CORO7: variants seen among roughly 807,000 people sequenced by gnomAD.
The protein encoded by CORO7 is coronin-7.
In CORO7, 107 loss-of-function variants were observed where a neutral mutation model predicts 126.6. The observed-to-expected ratio is 0.85, with a 90% confidence interval of 0.72 to 0.99. The LOEUF is 0.99. Ranked by LOEUF, CORO7 falls within the 50% of genes least tolerant of loss-of-function variation. CORO7 has a pLI of 0.00. For missense variants in CORO7, 1,314 were observed against 1,255.8 expected, an observed-to-expected ratio of 1.05 and a Z score of -0.70; for synonymous variants, 603 against 536.8, an observed-to-expected ratio of 1.12 and a Z score of -1.70.
At chr16:4,412,479 C>T (rs772436714) in intron 2 of CORO7, 49 bp from the exon 3 acceptor site, 36 of 1,598,812 alleles carry the variant, frequency 2.3e-5, no homozygotes, top group Non-Finnish European at 2.2e-5. Flanking sequence ...CAGGGCCACC[C>T]ACCTCCTTGC....
chr16:4,381,109 C>T (rs1320051366), intron 9 of CORO7: 4 of 1,609,130 alleles, frequency 2.5e-6, no homozygotes, highest in Non-Finnish European at 3.4e-6. Flanking sequence ...CCTGCCGGGC[C>T]TGCAGCTCCT....
chr16:4,413,176 A>G, intron 2 of CORO7, 132 bp downstream of exon 2: 1 of 897,228 alleles, frequency 1.1e-6, no homozygotes, highest in Non-Finnish European at 1.7e-6. Flanking sequence ...CATGGGGCTC[A>G]CCTCTGAGCC....
rs1013295369 is a variant in CORO7 at position 4,362,196 on chromosome 16, G to A, written c.1403-36C>T. On this transcript the variant is annotated intron_variant, in intron 15 of 27. Coordinates refer to ENST00000251166, the MANE Select transcript of CORO7 (RefSeq NM_024535.5). The surrounding 1 kb of genome is among the most constrained non-coding windows in gnomAD (Gnocchi z 5.3). The stretch of plus-strand genomic sequence containing the variant: ...GCAGGGACATGGAACCACGTGTGAG[G>A]ATGCCGTCCCCGCCCGCCCTGCACT... 4 of 1,588,216 alleles carry A rather than the reference G, an allele frequency of 2.5e-6. No individual in the cohort carries two copies. Among genetic ancestry groups the A allele is most frequent in the Admixed American group, 1.8e-5 (1 of 56,478 alleles).
At chr16:4,405,343 C>A in intron 6 of CORO7, 148 bp downstream of exon 6, 2 of 798,974 alleles carry the variant, frequency 2.5e-6, no homozygotes, top group Non-Finnish European at 3.6e-6. Context: ...GTGTGAGGAG[C>A]AGCTAGGGGG....
At chr16:4,373,569 G>A (rs1396137613) in intron 9 of CORO7, among the ~76,000 whole-genome samples, 1 of 152,152 alleles carries the variant, frequency 6.6e-6, no homozygotes, top group Non-Finnish European at 1.5e-5. Context: ...AGGCCCCTCT[G>A]GCACGCAGCC....
At chr16:4,355,555 GC>G in intron 26 of CORO7, 183 bp from the exon 27 acceptor site, 1 of 640,852 alleles carries the variant, frequency 1.6e-6, no homozygotes, top group Non-Finnish European at 2.7e-6. Context: ...TGCAAGCTCT[GC>G]CTCCCGGGTT....
chr16:4,401,911 CTTTT>C (rs58167321), intron 6 of CORO7, among the ~76,000 whole-genome samples: 1 of 139,882 alleles, frequency 7.1e-6, no homozygotes, highest in Non-Finnish European at 1.6e-5. Flanking sequence ...TCTTTTTTTC[CTTTT>C]TTTTTTTTTT....
At chr16:4,413,202 G>C (rs753435142) in intron 2 of CORO7, 106 bp downstream of exon 2, 149 of 1,230,214 alleles carry the variant, frequency 1.2e-4, no homozygotes, top group Non-Finnish European at 1.6e-4. Context: ...AAGCAGTTCC[G>C]TTCCAAGTCT....
intron 24 of CORO7, 28 bp from the exon 25 acceptor site, chr16:4,358,131 A>G (rs1444943647): frequency 6.3e-7 from 1 of 1,598,964 alleles, no homozygotes; most frequent in Non-Finnish European, 8.6e-7. Context: ...GGCTGTCCTG[A>G]GACATTGACC....
intron 26 of CORO7, chr16:4,356,728 C>T (rs1249070120): frequency 1.9e-5 from 4 of 206,878 alleles, no homozygotes; most frequent in South Asian, 1.2e-4. Flanking sequence ...CCACCGTGCC[C>T]GGCCTCAAAA....
intron 16 of CORO7, chr16:4,361,694 A>C: frequency 1.3e-6 from 1 of 789,558 alleles, no homozygotes; most frequent in Non-Finnish European, 2.1e-6. Flanking sequence ...TGGCGGGAAA[A>C]GCTCCGGCTT....
chr16:4,407,798 AC>A, intron 4 of CORO7, 114 bp from the exon 5 acceptor site: 1 of 1,333,604 alleles, frequency 7.5e-7, no homozygotes, highest in Non-Finnish European at 1.0e-6. Flanking sequence ...AGGAGACCAC[AC>A]ACCTTGGCCT....
At chr16:4,404,384 G>A (rs2055920975) in intron 6 of CORO7, among the ~76,000 whole-genome samples, 1 of 152,172 alleles carries the variant, frequency 6.6e-6, no homozygotes, top group Non-Finnish European at 1.5e-5. Flanking sequence ...CTGGTTTCAG[G>A]CTCCAGCCTG....
At chr16:4,399,406 A>T (rs766382130) in intron 6 of CORO7, among the ~76,000 whole-genome samples, 1 of 152,206 alleles carries the variant, frequency 6.6e-6, no homozygotes, top group Non-Finnish European at 1.5e-5. Context: ...ATATGATTCC[A>T]CTTATGTGGG....
In CORO7 at chr16:4,362,973, A is replaced by G. The variant is rs969796720; in HGVS notation, c.1276-235T>C. Reference sequence around the variant, plus strand: ...GGCAGCTGCTGGCTCCCAGCCCTGCAGGAGGGTGTGCCCAGTGGGTTAGAT... The same window carrying G: ...GGCAGCTGCTGGCTCCCAGCCCTGCGGGAGGGTGTGCCCAGTGGGTTAGAT... On this transcript the variant is annotated intron_variant, in intron 14 of 27. Coordinates refer to ENST00000251166, the MANE Select transcript of CORO7 (RefSeq NM_024535.5). The surrounding 1 kb of genome is among the most constrained non-coding windows in gnomAD (Gnocchi z 5.3). 2 of 407,274 alleles carry G rather than the reference A, an allele frequency of 4.9e-6. No individual in the cohort carries two copies. Among genetic ancestry groups the G allele is most frequent in the Non-Finnish European group, 8.5e-6 (2 of 235,560 alleles). The allele number at this position is 407,274 out of a possible 1,614,324, so 25.2% of individuals were successfully genotyped here.
chr16:4,365,359 A>C, intron 10 of CORO7, 132 bp downstream of exon 10: 1 of 1,346,836 alleles, frequency 7.4e-7, no homozygotes. Flanking sequence ...GTGTTCTAGG[A>C]GAGCTACAGT....
intron 23 of CORO7, chr16:4,359,057 C>T: frequency 5.3e-6 from 3 of 567,634 alleles, no homozygotes; most frequent in Non-Finnish European, 9.1e-6. Flanking sequence ...GATTCCAGGC[C>T]ACCGTACCCG....
chr16:4,387,796 C>T (rs893535220), intron 9 of CORO7, 190 bp downstream of exon 9: 1 of 673,994 alleles, frequency 1.5e-6, no homozygotes, highest in African/African-American at 1.8e-5. Context: ...TGAGCACCTG[C>T]TGCTCGTGAC....
chr16:4,389,017 T>C (rs1647515978), intron 7 of CORO7, among the ~76,000 whole-genome samples: 1 of 152,214 alleles, frequency 6.6e-6, no homozygotes, highest in South Asian at 2.1e-4. Flanking sequence ...TGTCACACTC[T>C]GTCAATGCCT....
Sources: allele counts gnomAD v4.1 joint callset (sites outside exome capture counted in the v4.1 genomes callset), GRCh38; gene constraint gnomAD v4.1.1; non-coding constraint Gnocchi (gnomAD v3.1); transcripts MANE v1.5; gene names NCBI Gene and HGNC (gene_info 2026-07-23, HGNC 2026-07-21).